Variants in SLC26A8 observed in about 807,000 individuals in gnomAD.
SLC26A8 encodes solute carrier family 26 member 8.
Under a neutral mutation model 105.0 loss-of-function variants are expected in SLC26A8, and 70 were observed. The observed-to-expected ratio is 0.67, with a 90% CI of 0.55 to 0.81. The LOEUF (loss-of-function observed/expected upper bound fraction) is 0.81, where lower values mean the gene tolerates loss of function less well. SLC26A8 is among the 40% of genes least tolerant of loss of function. SLC26A8 has a pLI of 0.00. For missense variants in SLC26A8, 998 were observed against 1,181.8 expected (o/e 0.84, Z 2.28); for synonymous variants, 415 against 438.3 (o/e 0.95, Z 0.66).
chr6:35,961,319 ATC>A (rs1562024637), intron 12 of SLC26A8, among the ~76,000 whole-genome samples: 2 of 152,028 alleles, frequency 1.3e-5, no homozygotes, highest in Non-Finnish European at 2.9e-5. Flanking sequence ...CTGTCTTCAA[ATC>A]TCTCTCAAAA....
intron 3 of SLC26A8, among the ~76,000 whole-genome samples, chr6:36,006,530 T>C (rs2127363761): frequency 6.6e-6 from 1 of 152,342 alleles, no homozygotes; most frequent in South Asian, 2.1e-4. Flanking sequence ...TACAAGATTA[T>C]ACTGATGACT....
chr6:35,951,667 C>T (rs1029175580), intron 17 of SLC26A8, among the ~76,000 whole-genome samples, 168 bp from the exon 18 acceptor site: 4 of 152,082 alleles, frequency 2.6e-5, no homozygotes, highest in African/African-American at 4.8e-5. Flanking sequence ...CAACCTCCGC[C>T]TCCCAGGTTC....
At chr6:35,972,355 G>A (rs1181310293) in intron 10 of SLC26A8, among the ~76,000 whole-genome samples, 8 of 151,438 alleles carry the variant, frequency 5.3e-5, no homozygotes, top group African/African-American at 1.9e-4. Flanking sequence ...GATCACTTGA[G>A]GCCTGGAGTT....
chr6:35,965,186 G>GTGAA (rs1472093479), intron 11 of SLC26A8, among the ~76,000 whole-genome samples: 1 of 152,084 alleles, frequency 6.6e-6, no homozygotes, highest in Non-Finnish European at 1.5e-5. Context: ...ATGCCAAAAT[G>GTGAA]TGAATAGTTT....
At chr6:35,962,071 C>T (rs1255739062) in intron 12 of SLC26A8, among the ~76,000 whole-genome samples, 2 of 151,944 alleles carry the variant, frequency 1.3e-5, no homozygotes, top group Non-Finnish European at 2.9e-5. Flanking sequence ...ACTAAAAATA[C>T]AAAAATTAGC....
At chr6:35,999,183 C>T (rs181002361) in intron 4 of SLC26A8, among the ~76,000 whole-genome samples, 15 of 152,282 alleles carry the variant, frequency 9.9e-5, no homozygotes, top group East Asian at 3.9e-4. Context: ...CATGAGCCAC[C>T]GTACCTGGCC....
At chr6:35,982,675 A>G (rs920387109) in intron 7 of SLC26A8, among the ~76,000 whole-genome samples, 1 of 152,224 alleles carries the variant, frequency 6.6e-6, no homozygotes, top group Admixed American at 6.5e-5. Flanking sequence ...ATCTAGATTA[A>G]TATAAACATG....
Position 35,951,234 on chromosome 6 carries a change from T to G in SLC26A8, c.2401A>C (p.Ile801Leu), listed in dbSNP as rs1353885036. 6.2e-7 allele frequency: 1 copy of G among 1,614,164 alleles called. No individual in the cohort carries two copies. Among genetic ancestry groups the G allele is most frequent in the Admixed American group, 1.7e-5 (1 of 60,016 alleles). The change falls in exon 19 of 20, where the codon ATA (isoleucine) becomes CTA (leucine). Residue 801 changes from isoleucine to leucine, a missense_variant. By Grantham distance (5) the Ile-to-Leu change is conservative (BLOSUM62 2). Coordinates refer to ENST00000490799, the MANE Select transcript of SLC26A8 (RefSeq NM_052961.4). Reference protein sequence around the residue: ...AVLFALSRKVIGSSELSIDES... With the variant: ...AVLFALSRKVLGSSELSIDES... Reference sequence around the variant, plus strand: ...TCGATGCTTAACTCAGAGGAGCCTATGACCTTCCTTGACAAGGCAAACAGC... The same window carrying G: ...TCGATGCTTAACTCAGAGGAGCCTAGGACCTTCCTTGACAAGGCAAACAGC...
chr6:35,978,537 T>G (rs1202553699), intron 8 of SLC26A8, among the ~76,000 whole-genome samples: 1 of 152,220 alleles, frequency 6.6e-6, no homozygotes. Flanking sequence ...TCTTTAATCA[T>G]TTCATCAAAG....
At chr6:35,946,861 GT>G (rs373853838) in intron 19 of SLC26A8, among the ~76,000 whole-genome samples, 11 of 147,172 alleles carry the variant, frequency 7.5e-5, no homozygotes, top group Admixed American at 1.4e-4. Context: ...CTGATTTTTA[GT>G]TTTTTTTTTC....
At position 35,975,441 on chromosome 6, in the gene SLC26A8, T is replaced by A. The variant is rs989481929; in HGVS notation, c.1221A>T (p.Arg407Ser). Residue 407 changes from arginine (R) to serine (S), a missense_variant, in exon 10 of 20, where the codon AGA becomes AGT. Coordinates refer to ENST00000490799, the MANE Select transcript of SLC26A8 (RefSeq NM_052961.4). ...GLCNVVSSFF[R>S]SCVFTGAIAR... The stretch of plus-strand genomic sequence containing the variant: ...CAATAGCACCAGTAAACACACAAGA[T>A]CTGAAAAATGAACTGACGACATTGC... The A allele has an allele frequency of 1.2e-6, 2 of 1,613,664 alleles. No homozygotes were observed. Among genetic ancestry groups the A allele is most frequent in the Non-Finnish European group, 1.7e-6 (2 of 1,179,840 alleles).
chr6:36,019,966 G>A (rs1247162798), intron 1 of SLC26A8, among the ~76,000 whole-genome samples: 9 of 152,210 alleles, frequency 5.9e-5, no homozygotes, highest in Non-Finnish European at 1.2e-4. Context: ...GAACCCAGGT[G>A]TCCTGCTGGG....
intron 7 of SLC26A8, among the ~76,000 whole-genome samples, chr6:35,982,450 T>A (rs752523599): frequency 6.6e-6 from 1 of 152,208 alleles, no homozygotes; most frequent in Non-Finnish European, 1.5e-5. Flanking sequence ...GTGAACATGA[T>A]GGGAACAAAT....
rs17656051 is a variant in SLC26A8 at position 35,981,226 on chromosome 6, A to G, written c.1025+895T>C. On this transcript the variant is annotated intron_variant, in intron 8 of 19. Transcript: ENST00000490799. The surrounding 1 kb of genome is among the most constrained non-coding windows in gnomAD (Gnocchi z 4.0). The stretch of plus-strand genomic sequence containing the variant: ...TAATTTCCTAACAGAAGCAAGAGCC[A>G]TGCCTCATAGTCACTGGTAGGAATT... Among the ~76,000 whole-genome samples the G allele has an allele frequency of 0.072, 10,999 of 152,262 alleles. 467 individuals carry two copies. The highest frequency in any genetic ancestry group is 0.099 in the Middle Eastern group (29 of 294).
At chr6:35,957,770 C>T (rs1772140058) in intron 16 of SLC26A8, among the ~76,000 whole-genome samples, 1 of 152,086 alleles carries the variant, frequency 6.6e-6, no homozygotes, top group Non-Finnish European at 1.5e-5. Flanking sequence ...CTATGCTGGG[C>T]TAATTTTGTA....
At chr6:36,016,807 CA>C (rs1762005436) in intron 2 of SLC26A8, among the ~76,000 whole-genome samples, 1 of 152,058 alleles carries the variant, frequency 6.6e-6, no homozygotes, top group Admixed American at 6.5e-5. Flanking sequence ...AACATTAATT[CA>C]AAAAGGATCA....
Position 35,981,970 on chromosome 6 carries a change from G to T in SLC26A8, c.1025+151C>A. The T allele has an allele frequency of 1.4e-6, 1 of 710,992 alleles. No homozygotes were observed. The highest frequency in any genetic ancestry group is 2.4e-6 in the Non-Finnish European group (1 of 420,066). 44.0% of individuals were successfully genotyped at this position (710,992 alleles called of 1,614,324 possible). A position where few individuals can be genotyped will look rare whatever the true frequency, so the allele number is the denominator to read the frequency against. The stretch of plus-strand genomic sequence containing the variant: ...GAGAAGACACAAGGAGTTGTCCCTA[G>T]CCCTTCTCCTTTCATGAACCTCTGT... On this transcript the variant is annotated intron_variant, in intron 8 of 19. Coordinates refer to ENST00000490799, the MANE Select transcript of SLC26A8 (RefSeq NM_052961.4). This position sits in a 1 kb window ranked among gnomAD's most constrained non-coding sequence, Gnocchi z 4.0.
intron 10 of SLC26A8, chr6:35,969,791 C>T (rs1772716679): frequency 6.6e-6 from 1 of 151,968 alleles, no homozygotes; most frequent in African/African-American, 2.4e-5. Context: ...TTTAGTTTCT[C>T]TCTGCTCCAG....
At chr6:35,971,128 A>G (rs1772781309) in intron 10 of SLC26A8, among the ~76,000 whole-genome samples, 1 of 152,200 alleles carries the variant, frequency 6.6e-6, no homozygotes, top group South Asian at 2.1e-4. Context: ...AGAGGGTTGG[A>G]GGCCTGCCAA....
Sources: gnomAD v4.1 joint callset for allele counts (sites outside exome capture counted in the v4.1 genomes callset) on GRCh38, gnomAD v4.1.1 for gene constraint, Gnocchi (gnomAD v3.1) non-coding constraint, MANE v1.5 for transcripts, NCBI Gene and HGNC (gene_info 2026-07-23, HGNC 2026-07-21) for gene names.